The following EPSTI1 variants were observed in gnomAD, a reference collection of about 807,000 sequenced individuals.
EPSTI1 encodes epithelial stromal interaction 1, also known as epithelial-stromal interaction protein 1.
EPSTI1 carries 66 observed loss-of-function variants against 49.9 expected under a neutral mutation model. That is an observed-to-expected ratio of 1.32 (90% CI 1.08 to 1.62). The LOEUF (loss-of-function observed/expected upper bound fraction) is 1.62. Among genes scored for constraint, EPSTI1 ranks in the 40% most tolerant of loss-of-function variants. The pLI is 0.00. For synonymous variants in EPSTI1, 137 were observed against 130.7 expected (o/e 1.05, Z -0.33); for missense variants, 394 against 365.5 (o/e 1.08, Z -0.64).
At chr13:42,963,696 G>A (rs1439421750) in intron 4 of EPSTI1, 4 of 287,166 alleles carry the variant, frequency 1.4e-5, no homozygotes, top group African/African-American at 6.6e-5. Flanking sequence ...TGTAAAAATC[G>A]CTGGGAATCT....
In EPSTI1 at chr13:42,938,602, C is replaced by T. The variant is rs551246517; in HGVS notation, c.564-12173G>A. On this transcript the variant is annotated intron_variant, in intron 6 of 10. Coordinates refer to ENST00000313624, the MANE Select transcript of EPSTI1 (RefSeq NM_033255.5). ...ATGGCATTTTCTTCCAATAGAAGGC[C>T]GTTTCATCTACATTAAAAATCTGTT... Among the ~76,000 whole-genome samples the T allele has an allele frequency of 1.5e-4, 23 of 152,100 alleles. No homozygotes were observed. In the South Asian group the frequency reaches 3.1e-3, roughly 21 times the overall value.
At position 42,969,128 on chromosome 13, in the gene EPSTI1, T is replaced by G; in HGVS notation, c.297A>C (p.Arg99Ser). The G allele has an allele frequency of 6.2e-7, 1 of 1,614,132 alleles. No individual in the cohort carries two copies. The highest frequency in any genetic ancestry group is 1.6e-4 in the Middle Eastern group (1 of 6,062). The change falls in exon 3 of 11, where the codon AGA becomes AGC. Residue 99 changes from arginine to serine, a missense_variant. Physicochemically the swap from Arg to Ser is moderately radical, Grantham distance 110 (BLOSUM62 -1). Transcript: ENST00000313624. ...TGGGCACCAGGTGAACCGGTTTAGCTCTGTTCTGCTCCTTCCACTTCTCCA... is the reference window on the plus strand; with the variant it reads ...TGGGCACCAGGTGAACCGGTTTAGCGCTGTTCTGCTCCTTCCACTTCTCCA... ...ANLEKWKEQN[R>S]AKPVHLVPRR...
intron 6 of EPSTI1, among the ~76,000 whole-genome samples, chr13:42,936,788 C>T (rs375061250): frequency 4.6e-5 from 7 of 152,304 alleles, no homozygotes; most frequent in African/African-American, 1.7e-4. Flanking sequence ...CCATCTCAAA[C>T]TTAAACTCTT....
chr13:42,989,499 T>G (rs1218886293), intron 1 of EPSTI1, among the ~76,000 whole-genome samples: 1 of 148,944 alleles, frequency 6.7e-6, no homozygotes, highest in Non-Finnish European at 1.5e-5. Context: ...TCTTTTACCA[T>G]ATAAATAAAT....
chr13:42,900,300 C>T lies in EPSTI1; in HGVS notation c.815+10G>A. On this transcript the variant is annotated intron_variant, in intron 9 of 10. Transcript: ENST00000313624. Reference sequence around the variant, plus strand: ...TAACCAAGGATGCTTATTTTATTAGCCAGTTTTACCTCCTGTGTTCAGTCT... The same window carrying T: ...TAACCAAGGATGCTTATTTTATTAGTCAGTTTTACCTCCTGTGTTCAGTCT... The T allele has an allele frequency of 1.9e-6, 3 of 1,612,458 alleles. No homozygotes were observed. The highest frequency in any genetic ancestry group is 2.5e-6 in the Non-Finnish European group (3 of 1,178,806).
intron 9 of EPSTI1, among the ~76,000 whole-genome samples, chr13:42,895,748 C>T (rs2037172069): frequency 6.6e-6 from 1 of 152,158 alleles, no homozygotes; most frequent in Non-Finnish European, 1.5e-5. Flanking sequence ...TAACGTCGTG[C>T]TCTGAGTTGC....
chr13:42,980,631 G>A (rs967190799), intron 1 of EPSTI1, among the ~76,000 whole-genome samples: 6 of 152,126 alleles, frequency 3.9e-5, no homozygotes, highest in African/African-American at 1.4e-4. Flanking sequence ...ACAATACATG[G>A]TGATTATGGG....
At chr13:42,953,470 T>C (rs2039164152) in intron 6 of EPSTI1, among the ~76,000 whole-genome samples, 1 of 152,220 alleles carries the variant, frequency 6.6e-6, no homozygotes, top group Admixed American at 6.5e-5. Flanking sequence ...CAAATCATAC[T>C]GCAAATTACC....
rs528921000 is a variant in EPSTI1 at position 42,918,128 on chromosome 13, A to T, written c.658-504T>A. Among the ~76,000 whole-genome samples the T allele has an allele frequency of 3.3e-5, 5 of 152,334 alleles. No homozygotes were observed. The East Asian group carries it at 9.6e-4, about 29-fold the overall frequency. ...GGATGCATATTTTCTAAGCACTTGC[A>T]TCCCTAATCTGGATGAAGTTTTATT... On this transcript the variant is annotated intron_variant, in intron 7 of 10. Transcript: ENST00000313624.
In EPSTI1 at chr13:42,962,422, C is replaced by T. The variant is rs1483101739; in HGVS notation, c.489+833G>A. ...TCACATCCTGGCAAATTTATGCCAACAGAATTACAGTTATCATATTAGGAA... is the reference window on the plus strand; with the variant it reads ...TCACATCCTGGCAAATTTATGCCAATAGAATTACAGTTATCATATTAGGAA... On this transcript the variant is annotated intron_variant, in intron 5 of 10. Coordinates refer to ENST00000313624, the MANE Select transcript of EPSTI1 (RefSeq NM_033255.5). 2.6e-5 allele frequency among the ~76,000 whole-genome samples: 4 copies of T among 152,050 alleles called. No homozygotes were observed. The East Asian group carries it at 5.8e-4, about 22-fold the overall frequency.
chr13:42,929,209 C>A (rs2038282490), intron 6 of EPSTI1, among the ~76,000 whole-genome samples: 1 of 152,210 alleles, frequency 6.6e-6, no homozygotes, highest in South Asian at 2.1e-4. Flanking sequence ...CCTTGTTCCA[C>A]TGTTGGATGT....
At chr13:42,893,217 A>G (rs1329910762) in intron 10 of EPSTI1, among the ~76,000 whole-genome samples, 1 of 152,230 alleles carries the variant, frequency 6.6e-6, no homozygotes, top group Non-Finnish European at 1.5e-5. Flanking sequence ...TGTGCTATCA[A>G]CAGAATTTAT....
chr13:42,924,466 C>T (rs1006820797), intron 7 of EPSTI1, among the ~76,000 whole-genome samples: 2 of 152,188 alleles, frequency 1.3e-5, no homozygotes, highest in Admixed American at 1.3e-4. Context: ...TAGAGCAGCA[C>T]ACGCAGTTCT....
At chr13:42,981,811 C>T (rs1446685722) in intron 1 of EPSTI1, among the ~76,000 whole-genome samples, 1 of 152,044 alleles carries the variant, frequency 6.6e-6, no homozygotes, top group Admixed American at 6.5e-5. Flanking sequence ...TGTCAGAGTA[C>T]ATCACATATA....
chr13:42,957,101 A>G (rs1201739248), intron 5 of EPSTI1, among the ~76,000 whole-genome samples: 2 of 152,222 alleles, frequency 1.3e-5, no homozygotes, highest in East Asian at 1.9e-4. Flanking sequence ...AAGAAAGAAG[A>G]AAGGACAGTC....
At chr13:42,945,925 T>A (rs367808002) in intron 6 of EPSTI1, among the ~76,000 whole-genome samples, 1 of 152,222 alleles carries the variant, frequency 6.6e-6, no homozygotes, top group South Asian at 2.1e-4. Flanking sequence ...AAAATAGATA[T>A]GAGATTTTTG....
intron 5 of EPSTI1, among the ~76,000 whole-genome samples, chr13:42,957,343 T>G (rs2039302768): frequency 2.6e-5 from 4 of 152,200 alleles, no homozygotes; most frequent in African/African-American, 9.6e-5. Context: ...TGGTCTGGCC[T>G]GAAGATATGG....
chr13:42,928,865 AG>A (rs1376414873), intron 6 of EPSTI1, among the ~76,000 whole-genome samples: 1 of 152,212 alleles, frequency 6.6e-6, no homozygotes, highest in Non-Finnish European at 1.5e-5. Flanking sequence ...CTAACTTATT[AG>A]AAAATTCCCA....
intron 6 of EPSTI1, among the ~76,000 whole-genome samples, chr13:42,947,262 T>C (rs1336726189): frequency 6.6e-6 from 1 of 151,084 alleles, no homozygotes; most frequent in African/African-American, 2.4e-5. Context: ...TTAACACATA[T>C]CAGGCACTTC....
Sources: allele counts gnomAD v4.1 joint callset (sites outside exome capture counted in the v4.1 genomes callset), GRCh38; gene constraint gnomAD v4.1.1; transcripts MANE v1.5; gene names NCBI Gene and HGNC (gene_info 2026-07-23, HGNC 2026-07-21).